The following CTNNA3 variants were observed in gnomAD, a reference collection of about 807,000 sequenced individuals.
The protein encoded by CTNNA3 is catenin alpha 3, also known as catenin alpha-3.
Under a neutral mutation model 95.7 loss-of-function variants are expected in CTNNA3, and 76 were observed. The ratio of observed to expected loss-of-function variants is 0.79; its 90% CI spans 0.66 to 0.96. The LOEUF (loss-of-function observed/expected upper bound fraction) is 0.96, where lower values mean the gene tolerates loss of function less well. CTNNA3 is among the 40% of genes least tolerant of loss of function. The pLI, the probability that CTNNA3 is intolerant of heterozygous loss-of-function variation, is 0.00. For synonymous variants in CTNNA3, 431 were observed against 374.4 expected, an observed-to-expected ratio of 1.15 and a Z score of -1.74; for missense variants, 1,191 against 1,089.8, an observed-to-expected ratio of 1.09 and a Z score of -1.31.
chr10:66,516,064 G>GAAAAAAAA lies in CTNNA3; in HGVS notation c.1531+4545_1531+4552dup, dbSNP rs5785760. On this transcript the variant is annotated intron_variant, in intron 11 of 17. Transcript: ENST00000433211. ...TATTCAAACTATGATTAATTATCTGGAAAAAAAAAAAAAAAAGGTAACCCA... is the reference window on the plus strand; with the variant it reads ...TATTCAAACTATGATTAATTATCTGGAAAAAAAAAAAAAAAAAAAAAAAAGGTAACCCA... Among the ~76,000 whole-genome samples the GAAAAAAAA allele has an allele frequency of 1.4e-5, 2 of 141,210 alleles. 1 individual carries two copies. Among genetic ancestry groups the GAAAAAAAA allele is most frequent in the Non-Finnish European group, 3.0e-5 (2 of 66,340 alleles). 92.6% of individuals were successfully genotyped at this position (141,210 alleles called of 152,430 possible). A position where few individuals can be genotyped will look rare whatever the true frequency, so the allele number is the denominator to read the frequency against.
intron 2 of CTNNA3, among the ~76,000 whole-genome samples, chr10:67,616,365 A>T (rs1843656844): frequency 6.6e-6 from 1 of 152,242 alleles, no homozygotes; most frequent in Admixed American, 6.5e-5. Flanking sequence ...TAGGCAAAAC[A>T]GACTAGAGAC....
At chr10:67,672,114 T>G (rs894171876) in intron 1 of CTNNA3, among the ~76,000 whole-genome samples, 116 of 152,364 alleles carry the variant, frequency 7.6e-4, no homozygotes, top group African/African-American at 2.5e-3. Flanking sequence ...TGGCCAGTGA[T>G]GATGAGCATT....
chr10:66,123,065 C>A (rs1455482124), intron 13 of CTNNA3, among the ~76,000 whole-genome samples: 1 of 152,096 alleles, frequency 6.6e-6, no homozygotes, highest in Non-Finnish European at 1.5e-5. Flanking sequence ...CAGCAGTCCA[C>A]AAAAGTCTTA....
intron 13 of CTNNA3, among the ~76,000 whole-genome samples, chr10:66,147,235 T>C (rs1041518706): frequency 2.0e-5 from 3 of 152,132 alleles, no homozygotes; most frequent in African/African-American, 7.2e-5. Flanking sequence ...ATCGGTAATA[T>C]GATTCAGGGA....
chr10:67,603,573 C>T (rs1039696565), intron 3 of CTNNA3, among the ~76,000 whole-genome samples: 6 of 149,766 alleles, frequency 4.0e-5, no homozygotes, highest in Non-Finnish European at 8.9e-5. Flanking sequence ...GTATTTGTGT[C>T]TTAGATTTTA....
chr10:67,433,774 A>G (rs1049384049), intron 5 of CTNNA3, among the ~76,000 whole-genome samples: 8 of 152,120 alleles, frequency 5.3e-5, no homozygotes, highest in Non-Finnish European at 1.0e-4. Context: ...TGTCCGTGCC[A>G]TCATCATATA....
At chr10:66,028,171 C>G (rs112621663) in intron 15 of CTNNA3, among the ~76,000 whole-genome samples, 4,081 of 152,214 alleles carry the variant, frequency 0.027, 87 homozygotes, top group Non-Finnish European at 0.037. Context: ...GTGCAACCAT[C>G]GTGGAAGTCA....
chr10:66,614,042 C>T (rs1844422472), intron 10 of CTNNA3, among the ~76,000 whole-genome samples: 2 of 152,044 alleles, frequency 1.3e-5, no homozygotes, highest in South Asian at 4.2e-4. Flanking sequence ...ACATAGCTTT[C>T]CATTTTAAAG....
At chr10:67,593,203 T>C (rs1197776704) in intron 3 of CTNNA3, among the ~76,000 whole-genome samples, 4 of 152,222 alleles carry the variant, frequency 2.6e-5, no homozygotes, top group African/African-American at 9.6e-5. Context: ...GTACATTTTC[T>C]TTATCCAATC....
chr10:66,371,180 A>G (rs2092751702), intron 12 of CTNNA3, among the ~76,000 whole-genome samples: 1 of 152,208 alleles, frequency 6.6e-6, no homozygotes, highest in African/African-American at 2.4e-5. Flanking sequence ...GAACAATACC[A>G]GGATACAGAT....
chr10:67,489,475 G>A (rs1848572845), intron 5 of CTNNA3, among the ~76,000 whole-genome samples: 1 of 152,116 alleles, frequency 6.6e-6, no homozygotes, highest in African/African-American at 2.4e-5. Flanking sequence ...CTAGAAGCAG[G>A]TGCTCTTTGC....
intron 10 of CTNNA3, among the ~76,000 whole-genome samples, chr10:66,530,335 C>G (rs1841423604): frequency 6.6e-6 from 1 of 152,124 alleles, no homozygotes. Context: ...GTAACATCAT[C>G]ATAATTTCAG....
intron 13 of CTNNA3, among the ~76,000 whole-genome samples, chr10:66,236,223 A>C (rs1185153828): frequency 6.6e-6 from 1 of 152,216 alleles, no homozygotes; most frequent in African/African-American, 2.4e-5. Flanking sequence ...AAGTTTTCTT[A>C]TGAATAAAGT....
At chr10:67,531,958 T>C (rs6480269) in intron 4 of CTNNA3, among the ~76,000 whole-genome samples, 77,838 of 151,570 alleles carry the variant, frequency 0.51, 24,251 homozygotes, top group African/African-American at 0.86. Flanking sequence ...CTTTGCCTGC[T>C]GCCGTCCATG....
At chr10:67,055,067 T>C (rs1318408599) in intron 7 of CTNNA3, 2 of 152,054 alleles carry the variant, frequency 1.3e-5, no homozygotes, top group African/African-American at 2.4e-5. Context: ...TTTTATCAAA[T>C]AGAAATAGTG....
At chr10:67,127,137 A>G (rs1339091364) in intron 7 of CTNNA3, among the ~76,000 whole-genome samples, 4 of 152,102 alleles carry the variant, frequency 2.6e-5, no homozygotes, top group African/African-American at 9.7e-5. Flanking sequence ...TATTTTGTAC[A>G]TTTGTATTTA....
chr10:67,024,693 G>T (rs1853243448), intron 7 of CTNNA3, among the ~76,000 whole-genome samples: 1 of 152,166 alleles, frequency 6.6e-6, no homozygotes, highest in Non-Finnish European at 1.5e-5. Context: ...CATTGATCTT[G>T]TTAATGCTCA....
Position 67,632,126 on chromosome 10 carries a change from C to CCACACACACACA in CTNNA3, c.99+15277_99+15288dup, listed in dbSNP as rs71006156. On this transcript the variant is annotated intron_variant, in intron 2 of 17. Transcript: ENST00000433211. ...AGAAAGTAGATTTTAAGTGTCTTAG[C>CCACACACACACA]CACACACACACACACACACACACAC... 4.2e-3 allele frequency among the ~76,000 whole-genome samples: 584 copies of CCACACACACACA among 139,046 alleles called. 7 individuals carry two copies. Among genetic ancestry groups the CCACACACACACA allele is most frequent in the African/African-American group, 9.9e-3 (369 of 37,118 alleles). The allele number at this position is 139,046 out of a possible 152,430, so 91.2% of individuals were successfully genotyped here. A position where few individuals can be genotyped will look rare whatever the true frequency, so the allele number is the denominator to read the frequency against.
At chr10:66,559,775 T>C (rs1019884314) in intron 10 of CTNNA3, among the ~76,000 whole-genome samples, 3 of 152,044 alleles carry the variant, frequency 2.0e-5, no homozygotes, top group African/African-American at 7.2e-5. Flanking sequence ...GATCCTCTTC[T>C]ACCCTCTTGA....
Sources: allele counts gnomAD v4.1 joint callset (sites outside exome capture counted in the v4.1 genomes callset), GRCh38; gene constraint gnomAD v4.1.1; transcripts MANE v1.5; gene names NCBI Gene and HGNC (gene_info 2026-07-23, HGNC 2026-07-21).